ADAMTSL1: variants seen among roughly 807,000 people sequenced by gnomAD.
The protein encoded by ADAMTSL1 is ADAMTS like 1, also known as ADAMTS-like protein 1.
A neutral mutation model predicts 201.8 loss-of-function variants in ADAMTSL1; 126 were observed. The ratio of observed to expected loss-of-function variants is 0.62; its 90% CI spans 0.54 to 0.72. ADAMTSL1 has a LOEUF of 0.72. ADAMTSL1 is among the 30% of genes least tolerant of loss of function. The pLI is 0.00. For synonymous variants in ADAMTSL1, 1,121 were observed against 903.4 expected (o/e 1.24, Z -4.32); for missense variants, 2,679 against 2,277.8 (o/e 1.18, Z -3.59).
chr9:18,618,582 CA>C (rs35996734), intron 4 of ADAMTSL1, among the ~76,000 whole-genome samples: 2,386 of 132,072 alleles, frequency 0.018, 54 homozygotes, highest in African/African-American at 0.052. Flanking sequence ...TATTCTCTCA[CA>C]AAAAAAAAAA....
chr9:18,136,762 TA>T (rs1826174966), intron 1 of ADAMTSL1, among the ~76,000 whole-genome samples: 1 of 152,118 alleles, frequency 6.6e-6, no homozygotes, highest in South Asian at 2.1e-4. Context: ...GCAGTGTGGT[TA>T]GCCTTGTGTA....
At chr9:18,562,803 G>A (rs943883911) in intron 3 of ADAMTSL1, among the ~76,000 whole-genome samples, 10 of 152,070 alleles carry the variant, frequency 6.6e-5, no homozygotes, top group Non-Finnish European at 1.2e-4. Context: ...CCACTTAATC[G>A]ATTTGGCTGT....
chr9:18,142,834 A>G (rs1294278620), intron 1 of ADAMTSL1, among the ~76,000 whole-genome samples: 1 of 152,222 alleles, frequency 6.6e-6, no homozygotes, highest in Admixed American at 6.5e-5. Context: ...GAACTTTAGA[A>G]TGAGGCAGGG....
At chr9:17,983,258 A>T (rs971273618) in intron 1 of ADAMTSL1, among the ~76,000 whole-genome samples, 7 of 151,532 alleles carry the variant, frequency 4.6e-5, no homozygotes, top group African/African-American at 1.7e-4. Context: ...TTTAGTAGGG[A>T]TGGGGTTTCA....
At chr9:18,223,897 G>T (rs1363502676) in intron 2 of ADAMTSL1, among the ~76,000 whole-genome samples, 1 of 151,970 alleles carries the variant, frequency 6.6e-6, no homozygotes, top group Non-Finnish European at 1.5e-5. Flanking sequence ...CCTCCATAGA[G>T]GTTGTATGTT....
intron 21 of ADAMTSL1, among the ~76,000 whole-genome samples, chr9:18,820,934 G>A (rs1326847440): frequency 6.6e-6 from 1 of 152,208 alleles, no homozygotes; most frequent in Admixed American, 6.5e-5. Context: ...AGAGCATGCT[G>A]CATTTAAAGA....
chr9:18,760,253 C>T (rs1474566902), intron 16 of ADAMTSL1, among the ~76,000 whole-genome samples: 2 of 152,130 alleles, frequency 1.3e-5, no homozygotes, highest in African/African-American at 4.8e-5. Flanking sequence ...TCTTCTATAT[C>T]TCCCCCACCA....
At chr9:18,509,533 G>A (rs924707544) in intron 2 of ADAMTSL1, among the ~76,000 whole-genome samples, 13 of 152,316 alleles carry the variant, frequency 8.5e-5, no homozygotes, top group African/African-American at 3.1e-4. Context: ...CATATCTAGG[G>A]TTGGCTGGAT....
At chr9:18,362,538 A>G (rs1315074836) in intron 2 of ADAMTSL1, among the ~76,000 whole-genome samples, 1 of 152,234 alleles carries the variant, frequency 6.6e-6, no homozygotes, top group South Asian at 2.1e-4. Flanking sequence ...TCTAGTTCTT[A>G]AGGAGCTGGC....
At chr9:18,845,734 A>C (rs1176831390) in intron 23 of ADAMTSL1, among the ~76,000 whole-genome samples, 1 of 152,156 alleles carries the variant, frequency 6.6e-6, no homozygotes, top group Admixed American at 6.5e-5. Flanking sequence ...TTGACCCTAA[A>C]TCTCATGCAA....
At chr9:18,899,613 T>C (rs530661752) in intron 26 of ADAMTSL1, among the ~76,000 whole-genome samples, 28 of 152,184 alleles carry the variant, frequency 1.8e-4, no homozygotes, top group South Asian at 8.3e-4. Context: ...TGAAACCGAA[T>C]AGAGAACTCA....
intron 27 of ADAMTSL1, 108 bp from the exon 28 acceptor site, chr9:18,906,584 T>G: frequency 1.1e-6 from 1 of 906,118 alleles, no homozygotes; most frequent in Non-Finnish European, 1.6e-6. Flanking sequence ...ACGCTGAAAG[T>G]TCTTGAGGAA....
intron 23 of ADAMTSL1, among the ~76,000 whole-genome samples, chr9:18,881,942 C>A (rs1828561911): frequency 6.6e-6 from 1 of 152,182 alleles, no homozygotes; most frequent in South Asian, 2.1e-4. Context: ...GACCAAGACC[C>A]AAGGCTCAGA....
chr9:18,444,313 A>T (rs974109196), intron 2 of ADAMTSL1, among the ~76,000 whole-genome samples: 1 of 152,154 alleles, frequency 6.6e-6, no homozygotes, highest in Admixed American at 6.5e-5. Flanking sequence ...TTTTGAGCTA[A>T]TGGGTAATAT....
chr9:18,639,429 A>G lies in ADAMTSL1; in HGVS notation c.834+18A>G. The G allele has an allele frequency of 6.3e-7, 1 of 1,588,366 alleles. No homozygotes were observed. Among genetic ancestry groups the G allele is most frequent in the Non-Finnish European group, 8.6e-7 (1 of 1,168,126 alleles). On this transcript the variant is annotated intron_variant, in intron 7 of 28. Coordinates refer to ENST00000380548, the MANE Select transcript of ADAMTSL1 (RefSeq NM_001040272.6). ...TTGTCAAGGTGAGCCCTATTTAGATACCTCCTTTTCAAGCCACATCCCAAA... is the reference window on the plus strand; with the variant it reads ...TTGTCAAGGTGAGCCCTATTTAGATGCCTCCTTTTCAAGCCACATCCCAAA...
intron 1 of ADAMTSL1, among the ~76,000 whole-genome samples, chr9:18,065,129 T>G (rs563646494): frequency 6.6e-6 from 1 of 152,138 alleles, no homozygotes; most frequent in Non-Finnish European, 1.5e-5. Context: ...GAAAGTAAAT[T>G]TGTAGAAAAC....
rs1821338057 is a variant in ADAMTSL1 at position 18,474,224 on chromosome 9, G to T, written c.-9G>T. On this transcript the variant is annotated 5_prime_UTR_variant, in exon 1 of 29. Transcript: ENST00000380548. Reference sequence around the variant, plus strand: ...AGTGTCCGATTCTGATTCCGGCAAGGATCCAAGCATGGAATGCTGCCGTCG... The same window carrying T: ...AGTGTCCGATTCTGATTCCGGCAAGTATCCAAGCATGGAATGCTGCCGTCG... The T allele has an allele frequency of 6.2e-7, 1 of 1,613,968 alleles. No individual in the cohort carries two copies. Among genetic ancestry groups the T allele is most frequent in the Non-Finnish European group, 8.5e-7 (1 of 1,179,974 alleles).
At chr9:18,734,350 G>T (rs1448450454) in intron 15 of ADAMTSL1, among the ~76,000 whole-genome samples, 3 of 152,158 alleles carry the variant, frequency 2.0e-5, no homozygotes, top group Admixed American at 1.3e-4. Context: ...GAAAAGACAG[G>T]CTCCATTATA....
intron 1 of ADAMTSL1, among the ~76,000 whole-genome samples, chr9:17,934,435 C>G (rs1285248295): frequency 6.6e-6 from 1 of 152,118 alleles, no homozygotes; most frequent in Non-Finnish European, 1.5e-5. Context: ...ACTTTCTCAA[C>G]TTCCTGCTCT....
Sources: gnomAD v4.1 joint callset for allele counts (sites outside exome capture counted in the v4.1 genomes callset) on GRCh38, gnomAD v4.1.1 for gene constraint, MANE v1.5 for transcripts, NCBI Gene and HGNC (gene_info 2026-07-23, HGNC 2026-07-21) for gene names.